The following NIT2 variants were observed in gnomAD, a reference collection of about 807,000 sequenced individuals.
NIT2 encodes the protein nitrilase family member 2, also known as omega-amidase NIT2.
A neutral mutation model predicts 42.7 loss-of-function variants in NIT2; 46 were observed. The ratio of observed to expected loss-of-function variants is 1.08; its 90% confidence interval spans 0.85 to 1.38. The LOEUF (loss-of-function observed/expected upper bound fraction) is 1.38. Ranked by LOEUF, NIT2 falls within the 40% of genes most tolerant of loss-of-function variation. The pLI, the probability that NIT2 is intolerant of heterozygous loss-of-function variation, is 0.00. For synonymous variants in NIT2, 123 were observed against 121.9 expected (o/e 1.01, Z -0.06); for missense variants, 309 against 342.5 (o/e 0.90, Z 0.77).
intron 6 of NIT2, among the ~76,000 whole-genome samples, chr3:100,347,489 G>A (rs983379119): frequency 2.0e-5 from 3 of 152,232 alleles, no homozygotes; most frequent in Non-Finnish European, 4.4e-5. Context: ...TAGAGTGCAG[G>A]CGTGATCATG....
chr3:100,337,160 A>G (rs277625), intron 1 of NIT2, among the ~76,000 whole-genome samples: 22,193 of 152,184 alleles, frequency 0.15, 2,993 homozygotes, highest in East Asian at 0.5. Flanking sequence ...CGGGGTTGGG[A>G]GTAAGGTTAT....
rs1181183143 is a variant in NIT2, at chr3:100,339,255, A to C, written c.126+50A>C. On this transcript the variant is annotated intron_variant, in intron 2 of 9. Coordinates refer to ENST00000394140, the MANE Select transcript of NIT2 (RefSeq NM_020202.5). ...TTCTAGCCACTGTACACCCAAGCAG[A>C]ACGGTGTTTGCTAGCTCTGGTTGTC... 3 of 1,171,908 alleles carry C rather than the reference A, an allele frequency of 2.6e-6. No individual in the cohort carries two copies. The African/African-American group carries it at 4.5e-5, about 18-fold the overall frequency. 72.6% of individuals were successfully genotyped at this position (1,171,908 alleles called of 1,614,324 possible). A position where few individuals can be genotyped will look rare whatever the true frequency, so the allele number is the denominator to read the frequency against.
At chr3:100,341,479 C>T (rs1386663261) in intron 4 of NIT2, among the ~76,000 whole-genome samples, 3 of 152,038 alleles carry the variant, frequency 2.0e-5, no homozygotes, top group Non-Finnish European at 2.9e-5. Context: ...CACCATTCTC[C>T]TGCCTCAGCC....
At chr3:100,338,944 T>G in intron 1 of NIT2, 143 bp from the exon 2 acceptor site, 1 of 694,276 alleles carries the variant, frequency 1.4e-6, no homozygotes, top group East Asian at 2.5e-5. Flanking sequence ...TCATACCTCA[T>G]CAGTTGTGGC....
intron 7 of NIT2, among the ~76,000 whole-genome samples, chr3:100,351,220 C>A (rs1706268989): frequency 6.6e-6 from 1 of 152,108 alleles, no homozygotes; most frequent in East Asian, 1.9e-4. Flanking sequence ...GGGTATATAC[C>A]CAGCTACCAA....
At chr3:100,355,071 A>G (rs1553735803) in intron 9 of NIT2, 106 bp from the exon 10 acceptor site, 1 of 839,860 alleles carries the variant, frequency 1.2e-6, no homozygotes, top group Non-Finnish European at 2.0e-6. Flanking sequence ...CTATGTTACT[A>G]AGTTACTTAC....
At chr3:100,350,828 G>A (rs1706265350) in intron 7 of NIT2, among the ~76,000 whole-genome samples, 1 of 152,076 alleles carries the variant, frequency 6.6e-6, no homozygotes, top group East Asian at 1.9e-4. Flanking sequence ...TTAGCATTAG[G>A]TATATCTCCT....
chr3:100,353,238 A>G (rs1366470564), intron 8 of NIT2, among the ~76,000 whole-genome samples: 1 of 152,226 alleles, frequency 6.6e-6, no homozygotes, highest in Non-Finnish European at 1.5e-5. Flanking sequence ...CAGAACTTGG[A>G]TGTATTCCAC....
In NIT2 at chr3:100,352,515, A is replaced by G; in HGVS notation, c.683+13A>G. 6.2e-7 allele frequency: 1 copy of G among 1,601,926 alleles called. No individual in the cohort carries two copies. The highest frequency in any genetic ancestry group is 8.5e-7 in the Non-Finnish European group (1 of 1,169,662). ...TGGTGAACCCTTGGTGAGTAAGGCT[A>G]AGTGAGAATAGGCTCAGTCGGAGCT... On this transcript the variant is annotated intron_variant, in intron 8 of 9. Transcript: ENST00000394140.
rs1006207559 is a variant in NIT2 at position 100,358,464 on chromosome 3, A to G, written c.*3196A>G. The stretch of plus-strand genomic sequence containing the variant: ...TGAAGTCTGCTATCACAAGTTGTGA[A>G]CCTCTATCTCTTGCAGTTTAGGTAA... On this transcript the variant is annotated 3_prime_UTR_variant, in exon 10 of 10. Coordinates refer to ENST00000394140, the MANE Select transcript of NIT2 (RefSeq NM_020202.5). 6.6e-6 allele frequency: 1 copy of G among 152,190 alleles called. No individual in the cohort carries two copies. 9.4% of individuals were successfully genotyped at this position (152,190 alleles called of 1,614,324 possible).
At chr3:100,334,849 CT>C in intron 1 of NIT2, 51 bp downstream of exon 1, 1 of 1,291,370 alleles carries the variant, frequency 7.7e-7, no homozygotes, top group Non-Finnish European at 9.8e-7. Context: ...GCGGGGGAGG[CT>C]TTGGAGCGGC....
At chr3:100,350,472 CT>C (rs1706262171) in intron 7 of NIT2, among the ~76,000 whole-genome samples, 1 of 152,192 alleles carries the variant, frequency 6.6e-6, no homozygotes, top group Non-Finnish European at 1.5e-5. Flanking sequence ...CTCCGGCCAC[CT>C]TGACTTGCTT....
At chr3:100,343,859 A>G (rs971717786) in intron 4 of NIT2, among the ~76,000 whole-genome samples, 1 of 152,206 alleles carries the variant, frequency 6.6e-6, no homozygotes, top group Non-Finnish European at 1.5e-5. Flanking sequence ...CTACTAATTT[A>G]AGATTGTACA....
intron 2 of NIT2, 62 bp from the exon 3 acceptor site, chr3:100,339,753 A>AT: frequency 6.5e-7 from 1 of 1,545,090 alleles, no homozygotes; most frequent in Admixed American, 1.8e-5. Flanking sequence ...GGCCTCTTAC[A>AT]GCAGAACTTT....
intron 6 of NIT2, among the ~76,000 whole-genome samples, chr3:100,347,187 C>G (rs545598128): frequency 5.9e-5 from 9 of 152,042 alleles, no homozygotes; most frequent in African/African-American, 2.2e-4. Context: ...CCTCCACCTC[C>G]CAGGTTCAAG....
intron 6 of NIT2, among the ~76,000 whole-genome samples, chr3:100,347,718 C>G (rs1706231481): frequency 6.6e-6 from 1 of 152,172 alleles, no homozygotes; most frequent in South Asian, 2.1e-4. Flanking sequence ...GACCTTGACC[C>G]CAGCCAGTGT....
rs142417347 is a variant in NIT2 at position 100,361,192 on chromosome 3, T to C, written c.*5924T>C. 76 of 152,390 alleles carry C rather than the reference T, an allele frequency of 5.0e-4. No homozygotes were observed. The highest frequency in any genetic ancestry group is 1.7e-3 in the African/African-American group (69 of 41,586). The allele number at this position is 152,390 out of a possible 1,614,324, so 9.4% of individuals were successfully genotyped here. ...GAGAAATAAAATCAGGTAAAAGTTA[T>C]TTAATATAGCAGTTCATAATTTAGG... On this transcript the variant is annotated 3_prime_UTR_variant, in exon 10 of 10. Coordinates refer to ENST00000394140, the MANE Select transcript of NIT2 (RefSeq NM_020202.5).
At chr3:100,355,067 T>A (rs1706312844) in intron 9 of NIT2, 110 bp from the exon 10 acceptor site, 5 of 819,224 alleles carry the variant, frequency 6.1e-6, no homozygotes, top group Non-Finnish European at 1.0e-5. Context: ...AGACCTATGT[T>A]ACTAAGTTAC....
At position 100,360,867 on chromosome 3, in the gene NIT2, T is replaced by G. The variant is rs2148886587; in HGVS notation, c.*5599T>G. On this transcript the variant is annotated 3_prime_UTR_variant, in exon 10 of 10. Coordinates refer to ENST00000394140, the MANE Select transcript of NIT2 (RefSeq NM_020202.5). ...CTCTGGATCATAGGACAGGTTTGTT[T>G]ACTATCTGATACAGTCAAAATAGTG... The G allele has an allele frequency of 6.6e-6, 1 of 152,342 alleles. No individual in the cohort carries two copies. The highest frequency in any genetic ancestry group is 3.4e-3 in the Middle Eastern group (1 of 294). The allele number at this position is 152,342 out of a possible 1,614,324, so 9.4% of individuals were successfully genotyped here.
Sources: allele counts gnomAD v4.1 joint callset (sites outside exome capture counted in the v4.1 genomes callset), GRCh38; gene constraint gnomAD v4.1.1; transcripts MANE v1.5; gene names NCBI Gene and HGNC (gene_info 2026-07-23, HGNC 2026-07-21).